Variants in LRRIQ1 observed in about 807,000 individuals in gnomAD.
LRRIQ1 encodes leucine-rich repeat- and IQ domain-containing protein 1.
Under a neutral mutation model 211.9 loss-of-function variants are expected in LRRIQ1, and 210 were observed. The observed-to-expected ratio is 0.99, with a 90% CI of 0.89 to 1.11. The LOEUF (loss-of-function observed/expected upper bound fraction) is 1.11. Ranked by LOEUF, LRRIQ1 falls within the 50% of genes most tolerant of loss-of-function variation. LRRIQ1 has a pLI of 0.00. For missense variants in LRRIQ1, 2,136 were observed against 1,939.5 expected, an observed-to-expected ratio of 1.10 and a Z score of -1.90; for synonymous variants, 699 against 650.1, an observed-to-expected ratio of 1.08 and a Z score of -1.14.
In LRRIQ1 at chr12:85,221,002, G is replaced by A. The variant is rs570973334; in HGVS notation, c.4823-8515G>A. ...AATTTTTGTATTTTTATTAGAGATG[G>A]GGTTTCACCATGCTGGCCAGGCTGG... On this transcript the variant is annotated intron_variant, in intron 24 of 26. Transcript: ENST00000393217. Among the ~76,000 whole-genome samples, 798 of 151,834 alleles carry A rather than the reference G, an allele frequency of 5.3e-3. 4 individuals carry two copies. Among genetic ancestry groups the A allele is most frequent in the African/African-American group, 0.019 (776 of 41,398 alleles).
Position 85,040,507 on chromosome 12 carries a change from A to G in LRRIQ1, c.150A>G (p.Pro50=), listed in dbSNP as rs1450887936. The G allele has an allele frequency of 3.9e-6, 6 of 1,544,190 alleles. No individual in the cohort carries two copies. Among genetic ancestry groups the G allele is most frequent in the Admixed American group, 1.9e-5 (1 of 51,290 alleles). The change falls in exon 3 of 27, where the codon CCA becomes CCG. Residue 50 remains proline (P), a synonymous_variant. Coordinates refer to ENST00000393217, the MANE Select transcript of LRRIQ1 (RefSeq NM_001079910.2). The part of the protein sequence containing the change: ...DDSDTDSVEL[P]ESVLHCINII... Reference sequence around the variant, plus strand: ...ATTTTTAGGATTCAGTTGAATTACCAGAATCAGTTCTTCACTGTATTAACA... The same window carrying G: ...ATTTTTAGGATTCAGTTGAATTACCGGAATCAGTTCTTCACTGTATTAACA...
At chr12:85,221,224 A>G (rs568291159) in intron 24 of LRRIQ1, among the ~76,000 whole-genome samples, 1 of 152,326 alleles carries the variant, frequency 6.6e-6, no homozygotes, top group East Asian at 1.9e-4. Flanking sequence ...GTTTAGACAT[A>G]TGTTATCCTC....
chr12:85,160,635 A>G lies in LRRIQ1; in HGVS notation c.4743A>G (p.Leu1581=), dbSNP rs760374989. The G allele has an allele frequency of 2.5e-6, 4 of 1,608,976 alleles. No individual in the cohort carries two copies. The highest frequency in any genetic ancestry group is 2.2e-5 in the South Asian group (2 of 90,824). The change falls in exon 24 of 27, where the codon TTA becomes TTG. Residue 1581 remains leucine (L), a synonymous_variant. Coordinates refer to ENST00000393217, the MANE Select transcript of LRRIQ1 (RefSeq NM_001079910.2). The part of the protein sequence containing the change: ...KKIDSTVRLA[L]FKNNENKVSL... ...TAGATTCCACTGTGCGTCTAGCCTTATTCAAAAACAATGAAAATAAAGTGT... is the reference window on the plus strand; with the variant it reads ...TAGATTCCACTGTGCGTCTAGCCTTGTTCAAAAACAATGAAAATAAAGTGT...
chr12:85,038,628 T>G (rs1057027517), intron 2 of LRRIQ1, among the ~76,000 whole-genome samples: 1 of 151,650 alleles, frequency 6.6e-6, no homozygotes, highest in Non-Finnish European at 1.5e-5. Context: ...AAATTATCCT[T>G]TTATTTGTGT....
chr12:85,076,623 A>C (rs757183073), intron 11 of LRRIQ1: 22 of 690,864 alleles, frequency 3.2e-5, no homozygotes, highest in Non-Finnish European at 3.7e-5. Flanking sequence ...AAATAATTTA[A>C]CATTTTCACA....
At chr12:85,058,849 A>T (rs536223461) in intron 8 of LRRIQ1, among the ~76,000 whole-genome samples, 2 of 152,038 alleles carry the variant, frequency 1.3e-5, no homozygotes, top group Middle Eastern at 6.8e-3. Flanking sequence ...TGGTGAGTGG[A>T]CTAATCTGAG....
intron 11 of LRRIQ1, among the ~76,000 whole-genome samples, chr12:85,096,005 G>C (rs1885843806): frequency 6.6e-6 from 1 of 152,028 alleles, no homozygotes; most frequent in Admixed American, 6.6e-5. Context: ...ATTGGTTGTA[G>C]TACCAGCTTT....
intron 13 of LRRIQ1, among the ~76,000 whole-genome samples, chr12:85,100,757 G>T (rs1886289888): frequency 6.6e-6 from 1 of 151,686 alleles, no homozygotes; most frequent in African/African-American, 2.4e-5. Flanking sequence ...GAGCACCAGG[G>T]AAATGTCATT....
intron 2 of LRRIQ1, among the ~76,000 whole-genome samples, chr12:85,039,566 C>T (rs143019022): frequency 1.3e-5 from 2 of 151,694 alleles, no homozygotes; most frequent in African/African-American, 2.4e-5. Context: ...GTAATATTTT[C>T]TCATTATCTT....
At chr12:85,250,022 A>G (rs1593025321), downstream of LRRIQ1, among the ~76,000 whole-genome samples, 2 of 151,730 alleles carry the variant, frequency 1.3e-5, no homozygotes, top group Admixed American at 1.3e-4. Flanking sequence ...GCTAGAGTGT[A>G]TGCTACAGGG....
chr12:85,117,226 A>G (rs1431821458), intron 15 of LRRIQ1, among the ~76,000 whole-genome samples: 2 of 152,168 alleles, frequency 1.3e-5, no homozygotes, highest in East Asian at 3.9e-4. Context: ...CCAGAGTGTT[A>G]TCTTGCTTTG....
chr12:85,047,170 A>G (rs1054243224), intron 5 of LRRIQ1, 77 bp from the exon 6 acceptor site: 4 of 1,091,786 alleles, frequency 3.7e-6, no homozygotes, highest in Admixed American at 2.7e-5. Context: ...AATTAAAAAA[A>G]TTACTTTTAT....
rs77653508 is a variant in LRRIQ1 at position 85,234,536 on chromosome 12, G to T, written c.5016+1780G>T. 6.2e-3 allele frequency among the ~76,000 whole-genome samples: 951 copies of T among 152,184 alleles called. 7 individuals carry two copies. Among genetic ancestry groups the T allele is most frequent in the African/African-American group, 0.022 (918 of 41,514 alleles). On this transcript the variant is annotated intron_variant, in intron 26 of 26. Coordinates refer to ENST00000393217, the MANE Select transcript of LRRIQ1 (RefSeq NM_001079910.2). ...GTGGATGCAGGGAAAGGCATCAGTG[G>T]CTTTTATCAAAAGGATACAGAGCTG... is the stretch of plus-strand genomic sequence containing the variant.
At chr12:85,260,761 A>T (rs928637840) in intron 1 of LRRIQ1, among the ~76,000 whole-genome samples, 2 of 152,176 alleles carry the variant, frequency 1.3e-5, no homozygotes, top group Non-Finnish European at 2.9e-5. Context: ...ATTGTTTTTT[A>T]AAATGGACCA....
intron 11 of LRRIQ1, among the ~76,000 whole-genome samples, chr12:85,096,966 T>C (rs868608259): frequency 5.4e-4 from 83 of 152,322 alleles, no homozygotes; most frequent in African/African-American, 1.9e-3. Context: ...TTATCTGACA[T>C]ATGTATAGCA....
chr12:85,243,027 A>G (rs1272086412), intron 26 of LRRIQ1, among the ~76,000 whole-genome samples: 1 of 151,650 alleles, frequency 6.6e-6, no homozygotes, highest in Non-Finnish European at 1.5e-5. Context: ...TAGTGAAATT[A>G]TGTCATTACA....
intron 24 of LRRIQ1, among the ~76,000 whole-genome samples, chr12:85,199,730 A>T (rs867473629): frequency 2.0e-5 from 3 of 152,078 alleles, no homozygotes; most frequent in Middle Eastern, 3.2e-3. Context: ...GAAATACCAG[A>T]TGCTTATAAA....
At chr12:85,058,885 A>G (rs1881453047) in intron 8 of LRRIQ1, among the ~76,000 whole-genome samples, 1 of 151,948 alleles carries the variant, frequency 6.6e-6, no homozygotes, top group African/African-American at 2.4e-5. Flanking sequence ...GGGCACCATA[A>G]TCCTCTCATC....
chr12:85,184,258 A>G (rs992355960), intron 24 of LRRIQ1, among the ~76,000 whole-genome samples: 2 of 152,046 alleles, frequency 1.3e-5, no homozygotes, highest in Non-Finnish European at 2.9e-5. Flanking sequence ...AAACTATGAA[A>G]TCATTGATTT....
Sources: gnomAD v4.1 joint callset for allele counts (sites outside exome capture counted in the v4.1 genomes callset) on GRCh38, gnomAD v4.1.1 for gene constraint, MANE v1.5 for transcripts, NCBI Gene and HGNC (gene_info 2026-07-23, HGNC 2026-07-21) for gene names.